Variants in NSMCE1 observed in about 807,000 individuals in gnomAD.
The protein encoded by NSMCE1 is NSE1 component of SMC5/6 complex.
Under a neutral mutation model 29.6 loss-of-function variants are expected in NSMCE1, and 18 were observed. The observed-to-expected ratio is 0.61, with a 90% CI of 0.42 to 0.90. The LOEUF is 0.90. NSMCE1 is among the 40% of genes least tolerant of loss of function. The pLI is 0.00. For missense variants in NSMCE1, 314 were observed against 343.6 expected, an observed-to-expected ratio of 0.91 and a Z score of 0.68; for synonymous variants, 124 against 133.4, an observed-to-expected ratio of 0.93 and a Z score of 0.49.
intron 2 of NSMCE1, among the ~76,000 whole-genome samples, chr16:27,240,082 C>T (rs1403288149): frequency 6.6e-6 from 1 of 152,174 alleles, no homozygotes; most frequent in South Asian, 2.1e-4. Context: ...CTCATAGTTT[C>T]CGTAACTTGG....
intron 2 of NSMCE1, 156 bp downstream of exon 2, chr16:27,257,278 AT>A (rs1567283589): frequency 7.4e-6 from 4 of 542,436 alleles, no homozygotes; most frequent in Non-Finnish European, 1.2e-5. Context: ...AAAGTGGAAG[AT>A]GAAATTAGAA....
chr16:27,239,535 A>G (rs2083867067), intron 2 of NSMCE1, among the ~76,000 whole-genome samples: 4 of 152,268 alleles, frequency 2.6e-5, no homozygotes, highest in Admixed American at 2.6e-4. Flanking sequence ...TTAGGAGTTA[A>G]TTAACAACAC....
At chr16:27,247,889 T>C (rs1225016990) in intron 2 of NSMCE1, among the ~76,000 whole-genome samples, 2 of 150,604 alleles carry the variant, frequency 1.3e-5, no homozygotes, top group Non-Finnish European at 1.5e-5. Flanking sequence ...ATTGCGCCAT[T>C]GCAATCCAGC....
intron 3 of NSMCE1, among the ~76,000 whole-genome samples, 194 bp downstream of exon 3, chr16:27,234,984 C>G (rs1281563579): frequency 3.3e-5 from 5 of 152,242 alleles, no homozygotes; most frequent in Non-Finnish European, 2.9e-5. Context: ...TACAGAGTTT[C>G]TTTTCATAGC....
chr16:27,230,177 C>G (rs2083748020), intron 5 of NSMCE1, among the ~76,000 whole-genome samples: 1 of 152,224 alleles, frequency 6.6e-6, no homozygotes, highest in South Asian at 2.1e-4. Flanking sequence ...CACCTACCAC[C>G]CCTGGGCCTT....
intron 2 of NSMCE1, among the ~76,000 whole-genome samples, chr16:27,246,651 G>A (rs953092697): frequency 1.3e-5 from 2 of 152,000 alleles, no homozygotes; most frequent in African/African-American, 2.4e-5. Context: ...CACCAGGCCC[G>A]ACTAATTTTT....
chr16:27,264,678 T>C (rs1461121843), intron 1 of NSMCE1, among the ~76,000 whole-genome samples: 1 of 152,194 alleles, frequency 6.6e-6, no homozygotes, highest in South Asian at 2.1e-4. Context: ...GTAAGACTTT[T>C]AGGCAATATA....
intron 1 of NSMCE1, among the ~76,000 whole-genome samples, chr16:27,264,773 A>G (rs1021209760): frequency 2.6e-5 from 4 of 152,176 alleles, no homozygotes; most frequent in Non-Finnish European, 5.9e-5. Flanking sequence ...ATACTGATAA[A>G]CTTGACTTTT....
Position 27,232,895 on chromosome 16 carries a change from A to G in NSMCE1, c.483+106T>C. ...CATGAAAGCAGATAAGGGATCCGAG[A>G]AGGCCGGGCTCCTCAGACATCAGTT... On this transcript the variant is annotated intron_variant, in intron 5 of 7. Coordinates refer to ENST00000361439, the MANE Select transcript of NSMCE1 (RefSeq NM_145080.4). The surrounding 1 kb of genome is among the most constrained non-coding windows in gnomAD (Gnocchi z 4.5). 2.5e-6 allele frequency: 3 copies of G among 1,187,704 alleles called. No homozygotes were observed. Among genetic ancestry groups the G allele is most frequent in the Non-Finnish European group, 3.6e-6 (3 of 827,822 alleles). The allele number at this position is 1,187,704 out of a possible 1,614,324, so 73.6% of individuals were successfully genotyped here.
chr16:27,251,174 AT>A (rs1567281165), intron 2 of NSMCE1, among the ~76,000 whole-genome samples: 24 of 50,900 alleles, frequency 4.7e-4, no homozygotes, highest in African/African-American at 4.0e-3. Flanking sequence ...ATATATATAT[AT>A]ATATATATAT....
intron 7 of NSMCE1, 26 bp from the exon 8 acceptor site, chr16:27,225,262 C>G: frequency 1.4e-6 from 2 of 1,425,796 alleles, no homozygotes; most frequent in East Asian, 2.3e-5. Context: ...GCAGGAAAGA[C>G]ACAGTGAATG....
chr16:27,255,746 C>T (rs908879306), intron 2 of NSMCE1, among the ~76,000 whole-genome samples: 2 of 152,222 alleles, frequency 1.3e-5, no homozygotes, highest in Admixed American at 6.5e-5. Flanking sequence ...GTTCTGTCTC[C>T]CTCTTCTTAT....
intron 2 of NSMCE1, among the ~76,000 whole-genome samples, chr16:27,238,652 G>T (rs1486019681): frequency 1.3e-5 from 2 of 152,070 alleles, no homozygotes; most frequent in East Asian, 1.9e-4. Flanking sequence ...AGGGACCAGA[G>T]ATTAGGGCAG....
At chr16:27,244,787 T>C (rs1449481012) in intron 2 of NSMCE1, among the ~76,000 whole-genome samples, 1 of 152,218 alleles carries the variant, frequency 6.6e-6, no homozygotes, top group Admixed American at 6.5e-5. Context: ...ACGGTCTTTC[T>C]CTTTCTAAGC....
chr16:27,257,605 A>G, intron 1 of NSMCE1, 24 bp from the exon 2 acceptor site: 1 of 1,591,536 alleles, frequency 6.3e-7, no homozygotes, highest in Non-Finnish European at 8.6e-7. Flanking sequence ...AAATGACACT[A>G]GTCAACCCCA....
At chr16:27,239,469 G>C (rs562254850) in intron 2 of NSMCE1, among the ~76,000 whole-genome samples, 2 of 152,320 alleles carry the variant, frequency 1.3e-5, no homozygotes, top group African/African-American at 4.8e-5. Flanking sequence ...AATAAAGTCC[G>C]TATGGTGAGA....
chr16:27,231,568 T>C (rs1170903557), intron 5 of NSMCE1, among the ~76,000 whole-genome samples: 1 of 151,334 alleles, frequency 6.6e-6, no homozygotes, highest in Non-Finnish European at 1.5e-5. Flanking sequence ...ATCCGGGAGG[T>C]TGAGGTTGCG....
intron 2 of NSMCE1, among the ~76,000 whole-genome samples, chr16:27,251,871 C>T (rs375586739): frequency 1.3e-5 from 2 of 152,174 alleles, no homozygotes; most frequent in African/African-American, 2.4e-5. Context: ...TCTCTGTGCA[C>T]CTCTGGTCCA....
At chr16:27,233,978 C>T (rs1056063196) in intron 4 of NSMCE1, 2 of 547,580 alleles carry the variant, frequency 3.7e-6, no homozygotes, top group Non-Finnish European at 6.5e-6. Flanking sequence ...CCAGCACTTC[C>T]TTCTCAGGCA....
Sources: allele counts gnomAD v4.1 joint callset (sites outside exome capture counted in the v4.1 genomes callset), GRCh38; gene constraint gnomAD v4.1.1; non-coding constraint Gnocchi (gnomAD v3.1); transcripts MANE v1.5; gene names NCBI Gene and HGNC (gene_info 2026-07-23, HGNC 2026-07-21).